Variants in KIAA0232 observed in about 807,000 individuals in gnomAD.
The protein encoded by KIAA0232 is uncharacterized protein KIAA0232.
Under a neutral mutation model 122.0 loss-of-function variants are expected in KIAA0232, and 27 were observed. The observed-to-expected ratio is 0.22, with a 90% CI of 0.16 to 0.31. The LOEUF is 0.31. Among genes scored for constraint, KIAA0232 ranks in the 10% least tolerant of loss-of-function variants. The pLI, the probability that KIAA0232 is intolerant of heterozygous loss-of-function variation, is 1.00. For synonymous variants in KIAA0232, 613 were observed against 587.6 expected (o/e 1.04, Z -0.63); for missense variants, 1,551 against 1,634.2 (o/e 0.95, Z 0.88).
intron 3 of KIAA0232, among the ~76,000 whole-genome samples, chr4:6,830,738 C>A (rs1395372248): frequency 6.6e-6 from 1 of 152,044 alleles, no homozygotes; most frequent in Non-Finnish European, 1.5e-5. Flanking sequence ...TCACCCCTAC[C>A]CTGCCCGCTG....
At chr4:6,809,597 A>G (rs1717784046) in intron 2 of KIAA0232, among the ~76,000 whole-genome samples, 1 of 152,104 alleles carries the variant, frequency 6.6e-6, no homozygotes, top group Non-Finnish European at 1.5e-5. Context: ...AGCAAGAGAA[A>G]GAAATAAAAG....
chr4:6,813,616 C>A (rs1224463733), intron 2 of KIAA0232, among the ~76,000 whole-genome samples: 1 of 152,140 alleles, frequency 6.6e-6, no homozygotes, highest in Non-Finnish European at 1.5e-5. Context: ...CCCGCCTCGG[C>A]CTCCCAAAGT....
chr4:6,874,546 T>C (rs1263015157), intron 8 of KIAA0232, among the ~76,000 whole-genome samples: 2 of 152,168 alleles, frequency 1.3e-5, no homozygotes, highest in Non-Finnish European at 2.9e-5. Context: ...TTCAGTGCTT[T>C]CAAGACTCGA....
rs1718384277 is a variant in KIAA0232, at chr4:6,820,712, TAATA to T, written c.-269-3471_-269-3468del. Among the ~76,000 whole-genome samples, 20 of 152,362 alleles carry T rather than the reference TAATA, an allele frequency of 1.3e-4. 1 individual carries two copies. The South Asian group carries it at 3.9e-3, about 30-fold the overall frequency. On this transcript the variant is annotated intron_variant, in intron 2 of 9. Coordinates refer to ENST00000307659, the MANE Select transcript of KIAA0232 (RefSeq NM_014743.3). ...CAATTGTCTTTTAAAGATATTTAAA[TAATA>T]AGACAAATGTTGTTATTTCTGGTGC...
intron 1 of KIAA0232, among the ~76,000 whole-genome samples, chr4:6,802,833 C>T (rs1172438467): frequency 6.6e-6 from 1 of 151,796 alleles, no homozygotes; most frequent in East Asian, 1.9e-4. Flanking sequence ...GAAAAAATGA[C>T]AGAAGGTTGA....
intron 7 of KIAA0232, among the ~76,000 whole-genome samples, chr4:6,870,617 A>G (rs1453865748): frequency 2.6e-5 from 4 of 152,210 alleles, no homozygotes; most frequent in South Asian, 2.1e-4. Context: ...AGCCTGGCCA[A>G]CGTGGCAAAA....
chr4:6,842,959 A>G (rs1400481935), intron 4 of KIAA0232, among the ~76,000 whole-genome samples: 1 of 152,150 alleles, frequency 6.6e-6, no homozygotes, highest in African/African-American at 2.4e-5. Flanking sequence ...GTATTATTAC[A>G]TTTGGATACA....
intron 7 of KIAA0232, among the ~76,000 whole-genome samples, chr4:6,865,645 A>C (rs928976134): frequency 6.6e-6 from 1 of 152,150 alleles, no homozygotes; most frequent in Non-Finnish European, 1.5e-5. Flanking sequence ...AAGCCATGCC[A>C]CCTGTGGCCA....
At chr4:6,837,318 G>A (rs1454431443) in intron 3 of KIAA0232, among the ~76,000 whole-genome samples, 2 of 151,504 alleles carry the variant, frequency 1.3e-5, no homozygotes, top group Non-Finnish European at 1.5e-5. Context: ...AAATGGGGTC[G>A]CGGCTGGGCA....
chr4:6,783,660 G>T (rs569831859), intron 1 of KIAA0232, among the ~76,000 whole-genome samples: 6 of 150,008 alleles, frequency 4.0e-5, no homozygotes, highest in African/African-American at 7.3e-5. Context: ...CCGGCTGAGC[G>T]ACTGGCGCGC....
intron 2 of KIAA0232, among the ~76,000 whole-genome samples, chr4:6,814,410 G>C (rs901323660): frequency 1.3e-4 from 19 of 151,262 alleles, no homozygotes; most frequent in African/African-American, 4.4e-4. Context: ...TAAAGAAATT[G>C]AGTATTTTGT....
At position 6,795,375 on chromosome 4, in the gene KIAA0232, A is replaced by G. The variant is rs533031141; in HGVS notation, c.-353-9148A>G. 5.8e-4 allele frequency among the ~76,000 whole-genome samples: 89 copies of G among 152,232 alleles called. 4 individuals carry two copies. In the South Asian group the frequency reaches 0.017, roughly 29 times the overall value. The stretch of plus-strand genomic sequence containing the variant: ...GCGTGAGCCACCGCGCCCGGCCCAC[A>G]TGTGGCTTTTGAACTTTGCATGCAG... On this transcript the variant is annotated intron_variant, in intron 1 of 9. Transcript: ENST00000307659.
At chr4:6,817,406 G>A (rs1434128520) in intron 2 of KIAA0232, among the ~76,000 whole-genome samples, 2 of 152,006 alleles carry the variant, frequency 1.3e-5, no homozygotes, top group Non-Finnish European at 2.9e-5. Flanking sequence ...TTTAGTAGAC[G>A]GGGTTTCACC....
At chr4:6,877,701 T>G (rs997587156) in intron 9 of KIAA0232, among the ~76,000 whole-genome samples, 1 of 152,104 alleles carries the variant, frequency 6.6e-6, no homozygotes, top group Admixed American at 6.5e-5. Context: ...TTTTTCTGCC[T>G]GCTTTATATT....
rs1442668501 is a variant in KIAA0232 at position 6,861,741 on chromosome 4, T to C, written c.1359T>C (p.Asn453=). 3 of 1,614,084 alleles carry C rather than the reference T, an allele frequency of 1.9e-6. No homozygotes were observed. The highest frequency in any genetic ancestry group is 2.7e-5 in the African/African-American group (2 of 74,940). Residue 453 remains asparagine (N), a synonymous_variant, in exon 7 of 10, where the codon AAT becomes AAC. Coordinates refer to ENST00000307659, the MANE Select transcript of KIAA0232 (RefSeq NM_014743.3). ...TGCATGGTCTTTGTATCAGCAACAATAATCTTCATAAAACATACCTCGCAG... is the reference window on the plus strand; with the variant it reads ...TGCATGGTCTTTGTATCAGCAACAACAATCTTCATAAAACATACCTCGCAG... ...ESVHGLCISN[N]NLHKTYLAAG...
chr4:6,827,327 G>A (rs900335870), intron 3 of KIAA0232, among the ~76,000 whole-genome samples: 2 of 152,190 alleles, frequency 1.3e-5, no homozygotes, highest in Non-Finnish European at 1.5e-5. Flanking sequence ...GAGAGGATGC[G>A]GAAGACAAGG....
At chr4:6,796,757 A>G (rs79371699) in intron 1 of KIAA0232, among the ~76,000 whole-genome samples, 1,619 of 152,316 alleles carry the variant, frequency 0.011, 33 homozygotes, top group African/African-American at 0.037. Context: ...TACCATAAGA[A>G]TATCTTACCT....
chr4:6,864,113 G>A lies in KIAA0232; in HGVS notation c.3731G>A (p.Cys1244Tyr), dbSNP rs775501888. The A allele has an allele frequency of 1.9e-6, 3 of 1,614,108 alleles. No individual in the cohort carries two copies. The highest frequency in any genetic ancestry group is 1.7e-6 in the Non-Finnish European group (2 of 1,180,000). The part of the protein sequence containing the change: ...AQCEEEINNF[C>Y]GCKAGCQFPA... Reference sequence around the variant, plus strand: ...TGCGAGGAAGAAATTAATAATTTTTGTGGTTGCAAAGCAGGTTGTCAGTTT... The same window carrying A: ...TGCGAGGAAGAAATTAATAATTTTTATGGTTGCAAAGCAGGTTGTCAGTTT... The change falls in exon 7 of 10, where the codon TGT becomes TAT. Residue 1244 changes from cysteine to tyrosine, a missense_variant. Physicochemically the swap from Cys to Tyr is radical, Grantham distance 194. This residue lies in a region of KIAA0232 where 1,108 missense variants were observed against 1,154.8 expected (regional missense o/e 0.96). Transcript: ENST00000307659.
At chr4:6,806,379 A>T (rs899899122) in intron 2 of KIAA0232, among the ~76,000 whole-genome samples, 2 of 152,226 alleles carry the variant, frequency 1.3e-5, no homozygotes, top group African/African-American at 4.8e-5. Context: ...GACATAAAAC[A>T]ATGTAACTTT....
Sources: gnomAD v4.1 joint callset for allele counts (sites outside exome capture counted in the v4.1 genomes callset) on GRCh38, gnomAD v4.1.1 for gene constraint, gnomAD v4.1.1 regional missense constraint, MANE v1.5 for transcripts, NCBI Gene and HGNC (gene_info 2026-07-23, HGNC 2026-07-21) for gene names.